The following ATP2C1 variants were observed in gnomAD, a reference collection of about 807,000 sequenced individuals.
ATP2C1 encodes calcium-transporting ATPase type 2C member 1.
ATP2C1 carries 31 observed loss-of-function variants against 120.5 expected under a neutral mutation model. The observed-to-expected ratio is 0.26, with a 90% confidence interval of 0.19 to 0.35. ATP2C1 has a LOEUF of 0.35. Ranked by LOEUF, ATP2C1 falls within the 10% of genes least tolerant of loss-of-function variation. ATP2C1 has a pLI of 1.00. For missense variants in ATP2C1, 731 were observed against 1,107.5 expected (o/e 0.66, Z 4.83); for synonymous variants, 351 against 358.7 (o/e 0.98, Z 0.24).
chr3:130,984,565 C>A (rs2061911491), intron 20 of ATP2C1, among the ~76,000 whole-genome samples: 1 of 152,088 alleles, frequency 6.6e-6, no homozygotes, highest in African/African-American at 2.4e-5. Flanking sequence ...TTTTGCTTAT[C>A]CATATTTTTT....
At chr3:130,863,867 A>C (rs922958909) in intron 1 of ATP2C1, among the ~76,000 whole-genome samples, 3 of 152,172 alleles carry the variant, frequency 2.0e-5, no homozygotes, top group Admixed American at 1.3e-4. Context: ...TCATGTGGAA[A>C]TGTAAGTCCA....
chr3:130,923,015 G>C (rs2059035185), intron 2 of ATP2C1, among the ~76,000 whole-genome samples: 2 of 152,020 alleles, frequency 1.3e-5, no homozygotes, highest in Non-Finnish European at 2.9e-5. Flanking sequence ...TTTCTTTCTT[G>C]ACTTTCTGTC....
intron 8 of ATP2C1, among the ~76,000 whole-genome samples, chr3:130,945,781 G>A (rs965011611): frequency 6.6e-5 from 10 of 151,774 alleles, no homozygotes; most frequent in African/African-American, 2.4e-4. Flanking sequence ...AGTATGTTTT[G>A]CCTTTGTGAA....
rs1163197730 is a variant in ATP2C1, at chr3:130,875,409, A to G, written c.108+24481A>G. On this transcript the variant is annotated intron_variant, in intron 1 of 26. Coordinates refer to the ATP2C1 transcript ENST00000504381. ...TTTTTGTGCCTTATTTATTTCACTT[A>G]ACATAACATCCTCCAGGTTCATCCA... 4.6e-5 allele frequency among the ~76,000 whole-genome samples: 7 copies of G among 152,344 alleles called. No homozygotes were observed. The East Asian group carries it at 1.4e-3, about 29-fold the overall frequency.
chr3:130,895,890 C>A (rs976395667), intron 2 of ATP2C1, among the ~76,000 whole-genome samples: 3 of 152,090 alleles, frequency 2.0e-5, no homozygotes, highest in Non-Finnish European at 4.4e-5. Context: ...GGATAATTGG[C>A]GGAAGACATT....
intron 2 of ATP2C1, among the ~76,000 whole-genome samples, chr3:130,923,439 G>A (rs1031376598): frequency 3.3e-5 from 5 of 151,872 alleles, no homozygotes; most frequent in Non-Finnish European, 5.9e-5. Flanking sequence ...TGCTGGTCTC[G>A]AACTCCTGCC....
At chr3:130,932,223 G>A (rs963976527) in intron 4 of ATP2C1, 85 bp downstream of exon 4, 4 of 868,526 alleles carry the variant, frequency 4.6e-6, no homozygotes, top group Admixed American at 3.7e-5. Context: ...TTGTGATACT[G>A]TTTATGGAGA....
chr3:131,014,328 A>G lies in ATP2C1; in HGVS notation c.2630-1824A>G. 1.2e-6 allele frequency: 2 copies of G among 1,613,418 alleles called. No homozygotes were observed. The highest frequency in any genetic ancestry group is 8.5e-7 in the Non-Finnish European group (1 of 1,179,816). ...AGGACATATGCTCAGGAGACTTTCTACAGAGGTCGATGCTAGCAGTTGCTG... is the reference window on the plus strand; with the variant it reads ...AGGACATATGCTCAGGAGACTTTCTGCAGAGGTCGATGCTAGCAGTTGCTG... On this transcript the variant is annotated intron_variant, in intron 26 of 26. Transcript: ENST00000328560.
At chr3:131,016,100 T>C in intron 26 of ATP2C1, 1 of 1,602,732 alleles carries the variant, frequency 6.2e-7, no homozygotes, top group Non-Finnish European at 8.5e-7. Flanking sequence ...CTGTATTTAC[T>C]TTTGTGTGCT....
At chr3:130,995,864 C>T (rs1053363380) in intron 22 of ATP2C1, among the ~76,000 whole-genome samples, 179 bp from the exon 23 acceptor site, 2 of 152,098 alleles carry the variant, frequency 1.3e-5, no homozygotes, top group Non-Finnish European at 2.9e-5. Flanking sequence ...CAGGCTGGTC[C>T]GAACTCGTGA....
chr3:130,913,883 C>A (rs1037481357), intron 2 of ATP2C1, among the ~76,000 whole-genome samples: 9 of 152,280 alleles, frequency 5.9e-5, no homozygotes, highest in African/African-American at 1.4e-4. Flanking sequence ...TTGTTAATTT[C>A]TTTTTGTGTT....
At chr3:130,884,621 T>C (rs1290631161) in intron 1 of ATP2C1, among the ~76,000 whole-genome samples, 1 of 152,230 alleles carries the variant, frequency 6.6e-6, no homozygotes, top group Non-Finnish European at 1.5e-5. Flanking sequence ...AGCTATTTTG[T>C]ATTGAGGTCT....
chr3:130,983,117 G>C (rs544257261), intron 20 of ATP2C1, among the ~76,000 whole-genome samples: 1 of 152,174 alleles, frequency 6.6e-6, no homozygotes, highest in South Asian at 2.1e-4. Flanking sequence ...TAGAGAGAGA[G>C]AGTTACATAA....
chr3:130,945,046 T>G (rs1372589942), intron 8 of ATP2C1, among the ~76,000 whole-genome samples: 1 of 152,232 alleles, frequency 6.6e-6, no homozygotes, highest in Non-Finnish European at 1.5e-5. Context: ...TCTTTGAATA[T>G]TTTCCACCTG....
intron 1 of ATP2C1, among the ~76,000 whole-genome samples, chr3:130,875,479 C>T (rs1576568106): frequency 1.3e-5 from 2 of 152,220 alleles, no homozygotes; most frequent in East Asian, 1.9e-4. Flanking sequence ...ATAACTGAAT[C>T]GTTTTCTATT....
At chr3:130,963,587 T>C (rs2060922132) in intron 12 of ATP2C1, 1 of 228,554 alleles carries the variant, frequency 4.4e-6, no homozygotes, top group Non-Finnish European at 8.8e-6. Context: ...CTTTTGGCTA[T>C]CGTGAATAGT....
chr3:130,903,579 G>C (rs930932301), intron 2 of ATP2C1, among the ~76,000 whole-genome samples: 2 of 151,608 alleles, frequency 1.3e-5, no homozygotes, highest in African/African-American at 4.8e-5. Flanking sequence ...ATTAGGAGAA[G>C]GTATAAAGGA....
Position 130,964,970 on chromosome 3 carries a change from A to G in ATP2C1, c.1047A>G (p.Ser349=). The G allele has an allele frequency of 6.2e-7, 1 of 1,611,136 alleles. No homozygotes were observed. Among genetic ancestry groups the G allele is most frequent in the South Asian group, 1.1e-5 (1 of 91,002 alleles). Residue 349 remains serine (S), a synonymous_variant, in exon 14 of 28, where the codon TCA becomes TCG. Transcript: ENST00000510168. ...ETLGCCNVIC[S]DKTGTLTKNE... is the part of the protein sequence containing the mutation. ...TAGGCTGCTGTAATGTGATTTGTTCAGATAAAACTGGAACACTGACGAAGA... is the reference window on the plus strand; with the variant it reads ...TAGGCTGCTGTAATGTGATTTGTTCGGATAAAACTGGAACACTGACGAAGA...
intron 26 of ATP2C1, among the ~76,000 whole-genome samples, chr3:131,012,463 G>A (rs990120417): frequency 1.3e-5 from 2 of 151,682 alleles, no homozygotes; most frequent in Non-Finnish European, 2.9e-5. Flanking sequence ...TCACCATGTC[G>A]GCCAGGCTGG....
Sources: allele counts gnomAD v4.1 joint callset (sites outside exome capture counted in the v4.1 genomes callset), GRCh38; gene constraint gnomAD v4.1.1; transcripts MANE v1.5; gene names NCBI Gene and HGNC (gene_info 2026-07-23, HGNC 2026-07-21).